The following ZC3H7B variants were observed in gnomAD, a reference collection of about 807,000 sequenced individuals.
ZC3H7B encodes the protein zinc finger CCCH-type containing 7B, also known as zinc finger CCCH domain-containing protein 7B.
ZC3H7B carries 35 observed loss-of-function variants against 116.0 expected under a neutral mutation model. That is an observed-to-expected ratio of 0.30 (90% confidence interval 0.23 to 0.40). ZC3H7B has a LOEUF of 0.40. ZC3H7B is among the 10% of genes least tolerant of loss of function. The pLI, the probability that ZC3H7B is intolerant of heterozygous loss-of-function variation, is 1.00. For missense variants in ZC3H7B, 1,011 were observed against 1,321.5 expected (o/e 0.77, Z 3.64); for synonymous variants, 502 against 545.6 (o/e 0.92, Z 1.11).
At chr22:41,339,606 G>A (rs2036491779) in intron 9 of ZC3H7B, among the ~76,000 whole-genome samples, 1 of 150,384 alleles carries the variant, frequency 6.6e-6, no homozygotes, top group Admixed American at 6.6e-5. Flanking sequence ...AGCCTGGGCA[G>A]TGGAGCAAGA....
At chr22:41,311,878 A>C (rs2036122462) in intron 1 of ZC3H7B, among the ~76,000 whole-genome samples, 1 of 152,134 alleles carries the variant, frequency 6.6e-6, no homozygotes, top group Admixed American at 6.5e-5. Context: ...GCATGGAGGC[A>C]TCTCCATGAC....
In ZC3H7B at chr22:41,348,047, C is replaced by T. The variant is rs930882955; in HGVS notation, c.1666-20C>T. ...CCCAGGTGGCCATGCCAGGTCCCAG[C>T]CCTTCCCCTCCCTGGGCAGATCTGC... On this transcript the variant is annotated intron_variant, in intron 14 of 22. Transcript: ENST00000352645. 6.2e-7 allele frequency: 1 copy of T among 1,611,648 alleles called. No homozygotes were observed. The highest frequency in any genetic ancestry group is 8.5e-7 in the Non-Finnish European group (1 of 1,177,988).
chr22:41,352,580 G>A lies in ZC3H7B; in HGVS notation c.2034+934G>A, dbSNP rs2036666303. Among the ~76,000 whole-genome samples the A allele has an allele frequency of 2.0e-5, 3 of 152,014 alleles. No homozygotes were observed. The South Asian group carries it at 6.2e-4, about 32-fold the overall frequency. On this transcript the variant is annotated intron_variant, in intron 17 of 22. Coordinates refer to ENST00000352645, the MANE Select transcript of ZC3H7B (RefSeq NM_017590.6). ...GTTCGAGACCAGCGTGTCCAACATAGTGAAACCCCATCTGTACTAAAAATA... is the reference window on the plus strand; with the variant it reads ...GTTCGAGACCAGCGTGTCCAACATAATGAAACCCCATCTGTACTAAAAATA...
At chr22:41,350,236 G>A (rs1790053258) in intron 16 of ZC3H7B, among the ~76,000 whole-genome samples, 1 of 152,180 alleles carries the variant, frequency 6.6e-6, no homozygotes, top group South Asian at 2.1e-4. Context: ...CCTGGGGGTA[G>A]AGCAGCTTAG....
chr22:41,320,350 A>G (rs916672384), intron 1 of ZC3H7B, among the ~76,000 whole-genome samples: 11 of 148,852 alleles, frequency 7.4e-5, no homozygotes, highest in East Asian at 2.0e-4. Context: ...AAAAAAAAAG[A>G]GTTTTCCCTT....
chr22:41,330,124 G>A, intron 6 of ZC3H7B, 21 bp downstream of exon 6: 1 of 1,613,290 alleles, frequency 6.2e-7, no homozygotes, highest in Non-Finnish European at 8.5e-7. Context: ...TCGGGACCCT[G>A]GGAGGGTCGG....
At chr22:41,356,851 C>G in intron 22 of ZC3H7B, 43 bp downstream of exon 22, 9 of 1,609,824 alleles carry the variant, frequency 5.6e-6, no homozygotes, top group Non-Finnish European at 7.6e-6. Flanking sequence ...TGGGGTGGCC[C>G]GAGGAGATGG....
Position 41,357,760 on chromosome 22 carries a change from A to C in ZC3H7B, c.*331A>C. 2 of 356,070 alleles carry C rather than the reference A, an allele frequency of 5.6e-6. No homozygotes were observed. Among genetic ancestry groups the C allele is most frequent in the Non-Finnish European group, 1.1e-5 (2 of 189,172 alleles). The allele number at this position is 356,070 out of a possible 1,614,324, so 22.1% of individuals were successfully genotyped here. On this transcript the variant is annotated 3_prime_UTR_variant, in exon 23 of 23. Transcript: ENST00000352645. The surrounding 1 kb of genome is among the most constrained non-coding windows in gnomAD (Gnocchi z 5.4). ...TCTGTCTGCTCCTAATGGGGGCCCAAAGCTCAGGGCTGGGGAGCCTGGGGT... is the reference window on the plus strand; with the variant it reads ...TCTGTCTGCTCCTAATGGGGGCCCACAGCTCAGGGCTGGGGAGCCTGGGGT...
chr22:41,349,067 G>A lies in ZC3H7B; in HGVS notation c.1767-53G>A. 6.3e-7 allele frequency: 1 copy of A among 1,587,882 alleles called. No homozygotes were observed. Among genetic ancestry groups the A allele is most frequent in the Non-Finnish European group, 8.6e-7 (1 of 1,165,420 alleles). On this transcript the variant is annotated intron_variant, in intron 15 of 22. Transcript: ENST00000352645. This position sits in a 1 kb window ranked among gnomAD's most constrained non-coding sequence, Gnocchi z 4.9. ...GGAAGGTGGCCCTACCAGGAGAGAA[G>A]GTCAGAGGGGCTGCGGACTGCATCG...
At chr22:41,318,189 C>CT (rs778361083) in intron 1 of ZC3H7B, among the ~76,000 whole-genome samples, 1 of 151,974 alleles carries the variant, frequency 6.6e-6, no homozygotes, top group Non-Finnish European at 1.5e-5. Flanking sequence ...CATCCCATCA[C>CT]TTTAGGAGGC....
chr22:41,356,716 C>G lies in ZC3H7B; in HGVS notation c.2589C>G (p.Ser863=), dbSNP rs572315392. 152 of 1,613,640 alleles carry G rather than the reference C, an allele frequency of 9.4e-5. 5 individuals carry two copies. The South Asian group carries it at 1.7e-3, about 18-fold the overall frequency. Residue 863 remains serine (S), a synonymous_variant, in exon 22 of 23, where the codon TCC becomes TCG. Transcript: ENST00000352645. Reference sequence around the variant, plus strand: ...AGCAGTGGCAGCAGCACATCCAGTCCGAGAAGCACAAGGAGAAGGTCTTCA... The same window carrying G: ...AGCAGTGGCAGCAGCACATCCAGTCGGAGAAGCACAAGGAGAAGGTCTTCA... The part of the protein sequence containing the change: ...SKKQWQQHIQ[S]EKHKEKVFTS...
At chr22:41,312,142 G>A (rs1268158895) in intron 1 of ZC3H7B, among the ~76,000 whole-genome samples, 4 of 140,494 alleles carry the variant, frequency 2.8e-5, no homozygotes, top group Non-Finnish European at 6.1e-5. Flanking sequence ...GGGTGACAGA[G>A]CGAGACTCCG....
intron 21 of ZC3H7B, 32 bp from the exon 22 acceptor site, chr22:41,356,613 G>C (rs1259981518): frequency 6.2e-7 from 1 of 1,612,636 alleles, no homozygotes; most frequent in South Asian, 1.1e-5. Context: ...GAGGTGTGGG[G>C]GAGCAGGCAC....
intron 1 of ZC3H7B, among the ~76,000 whole-genome samples, chr22:41,320,012 T>G: frequency 7.5e-6 from 1 of 134,092 alleles, no homozygotes; most frequent in Admixed American, 8.2e-5. Flanking sequence ...GTCTGGGCAA[T>G]AGAGCGAGAC....
intron 1 of ZC3H7B, among the ~76,000 whole-genome samples, chr22:41,304,903 C>T (rs1232841035): frequency 1.3e-5 from 2 of 152,146 alleles, no homozygotes; most frequent in Non-Finnish European, 2.9e-5. Context: ...GTGCTCCTGC[C>T]CTCTGCACCA....
At chr22:41,325,497 G>A (rs2036305986) in intron 2 of ZC3H7B, 67 bp from the exon 3 acceptor site, 2 of 1,568,214 alleles carry the variant, frequency 1.3e-6, no homozygotes, top group South Asian at 1.2e-5. Context: ...TGGAGGAGTA[G>A]CTCTGGACCT....
chr22:41,324,801 G>C (rs1056034609), intron 2 of ZC3H7B, among the ~76,000 whole-genome samples: 1 of 152,200 alleles, frequency 6.6e-6, no homozygotes, highest in Non-Finnish European at 1.5e-5. Context: ...CTGTGGACCT[G>C]TGGTCTCGGA....
chr22:41,346,295 T>A lies in ZC3H7B; in HGVS notation c.1665+87T>A. 1 of 1,473,776 alleles carries A rather than the reference T, an allele frequency of 6.8e-7. No individual in the cohort carries two copies. The highest frequency in any genetic ancestry group is 9.2e-7 in the Non-Finnish European group (1 of 1,089,844). 91.3% of individuals were successfully genotyped at this position (1,473,776 alleles called of 1,614,324 possible). On this transcript the variant is annotated intron_variant, in intron 14 of 22. Coordinates refer to ENST00000352645, the MANE Select transcript of ZC3H7B (RefSeq NM_017590.6). The surrounding 1 kb of genome is among the most constrained non-coding windows in gnomAD (Gnocchi z 5.3). Reference sequence around the variant, plus strand: ...CCCTGGCACGGACCACCATAGGAAGTCAGCCCTGGAACCCGTGGGCTGTGG... The same window carrying A: ...CCCTGGCACGGACCACCATAGGAAGACAGCCCTGGAACCCGTGGGCTGTGG...
At chr22:41,310,993 C>T (rs960198766) in intron 1 of ZC3H7B, among the ~76,000 whole-genome samples, 1 of 151,520 alleles carries the variant, frequency 6.6e-6, no homozygotes, top group Non-Finnish European at 1.5e-5. Flanking sequence ...TCTCGATCTC[C>T]TGACCTCGTG....
Sources: allele counts gnomAD v4.1 joint callset (sites outside exome capture counted in the v4.1 genomes callset), GRCh38; gene constraint gnomAD v4.1.1; non-coding constraint Gnocchi (gnomAD v3.1); transcripts MANE v1.5; gene names NCBI Gene and HGNC (gene_info 2026-07-23, HGNC 2026-07-21).